Variants in MECOM observed in about 807,000 individuals in gnomAD.
MECOM encodes the protein histone-lysine N-methyltransferase MECOM.
A neutral mutation model predicts 116.3 loss-of-function variants in MECOM; 13 were observed. The ratio of observed to expected loss-of-function variants is 0.11; its 90% confidence interval spans 0.07 to 0.18. MECOM has a LOEUF of 0.18. MECOM is among the 10% of genes least tolerant of loss of function. MECOM has a pLI of 1.00. For missense variants in MECOM, 1,299 were observed against 1,509.0 expected, an observed-to-expected ratio of 0.86 and a Z score of 2.31; for synonymous variants, 528 against 535.2, an observed-to-expected ratio of 0.99 and a Z score of 0.19.
chr3:169,348,525 T>C (rs116198929), intron 2 of MECOM, among the ~76,000 whole-genome samples: 1 of 152,104 alleles, frequency 6.6e-6, no homozygotes, highest in African/African-American at 2.4e-5. Flanking sequence ...TACTCACACC[T>C]TTTCATGGGA....
chr3:169,357,640 A>G (rs1727492661), intron 2 of MECOM, among the ~76,000 whole-genome samples: 1 of 151,832 alleles, frequency 6.6e-6, no homozygotes, highest in Admixed American at 6.6e-5. Context: ...TGCATCCTCA[A>G]AAAAAGACTA....
At chr3:169,400,755 T>G (rs1306432355) in intron 1 of MECOM, among the ~76,000 whole-genome samples, 1 of 152,208 alleles carries the variant, frequency 6.6e-6, no homozygotes, top group Non-Finnish European at 1.5e-5. Context: ...TGTGTTCTCC[T>G]AGTACCAGAA....
chr3:169,159,742 G>C (rs909506769), intron 2 of MECOM, among the ~76,000 whole-genome samples: 1 of 152,142 alleles, frequency 6.6e-6, no homozygotes. Flanking sequence ...GTTTAGGATA[G>C]TGACTAACAA....
At chr3:169,327,077 C>A (rs1250320893) in intron 2 of MECOM, among the ~76,000 whole-genome samples, 1 of 152,144 alleles carries the variant, frequency 6.6e-6, no homozygotes, top group Admixed American at 6.6e-5. Flanking sequence ...TTAAAGTAAG[C>A]CAATTCCAAG....
chr3:169,569,582 G>A (rs1017313186), intron 1 of MECOM, among the ~76,000 whole-genome samples: 8 of 152,176 alleles, frequency 5.3e-5, no homozygotes, highest in Non-Finnish European at 1.2e-4. Context: ...GTAATTGGAA[G>A]TGAAACACTC....
chr3:169,663,146 G>A (rs1379622143), intron 1 of MECOM, among the ~76,000 whole-genome samples, 190 bp downstream of exon 1: 1 of 140,952 alleles, frequency 7.1e-6, no homozygotes. Flanking sequence ...CGCCCAACCC[G>A]GGAGCGAGAG....
intron 1 of MECOM, among the ~76,000 whole-genome samples, chr3:169,587,555 A>G (rs909685515): frequency 6.6e-6 from 1 of 151,942 alleles, no homozygotes; most frequent in Admixed American, 6.6e-5. Context: ...GTTATTTGAC[A>G]CCTTGTAGAA....
At chr3:169,309,139 C>T (rs1246493933) in intron 2 of MECOM, among the ~76,000 whole-genome samples, 1 of 152,046 alleles carries the variant, frequency 6.6e-6, no homozygotes, top group Admixed American at 6.6e-5. Flanking sequence ...TGAAACCGGA[C>T]TCTATAAACA....
At chr3:169,620,841 C>G (rs1770623902) in intron 1 of MECOM, among the ~76,000 whole-genome samples, 1 of 136,016 alleles carries the variant, frequency 7.4e-6, no homozygotes, top group African/African-American at 2.8e-5. Flanking sequence ...TCTTTATTTT[C>G]TTTTCTGTAA....
At chr3:169,128,388 G>A (rs1216654686) in intron 4 of MECOM, among the ~76,000 whole-genome samples, 1 of 152,116 alleles carries the variant, frequency 6.6e-6, no homozygotes, top group African/African-American at 2.4e-5. Flanking sequence ...GTGGATTACT[G>A]ACATTCCTTA....
intron 2 of MECOM, among the ~76,000 whole-genome samples, chr3:169,339,647 T>C (rs1468150554): frequency 6.6e-6 from 1 of 152,104 alleles, no homozygotes; most frequent in African/African-American, 2.4e-5. Context: ...GATTCCCAGC[T>C]GATGTGTGTG....
At chr3:169,259,298 G>A (rs1273805463) in intron 2 of MECOM, among the ~76,000 whole-genome samples, 1 of 152,102 alleles carries the variant, frequency 6.6e-6, no homozygotes, top group South Asian at 2.1e-4. Flanking sequence ...CCTCCTACAT[G>A]TCTGAAGATA....
intron 1 of MECOM, among the ~76,000 whole-genome samples, chr3:169,599,698 G>C (rs926427544): frequency 6.6e-6 from 1 of 152,118 alleles, no homozygotes; most frequent in African/African-American, 2.4e-5. Flanking sequence ...TGTTGACCAA[G>C]TGCTATACTA....
intron 1 of MECOM, among the ~76,000 whole-genome samples, chr3:169,593,422 GA>G (rs1049748187): frequency 6.6e-6 from 1 of 152,118 alleles, no homozygotes; most frequent in African/African-American, 2.4e-5. Flanking sequence ...TTTCCCAATA[GA>G]GGAACCATTA....
At chr3:169,502,108 G>T (rs1754614616) in intron 1 of MECOM, among the ~76,000 whole-genome samples, 1 of 151,988 alleles carries the variant, frequency 6.6e-6, no homozygotes, top group African/African-American at 2.4e-5. Context: ...CGCAGGCCAG[G>T]ATCTACTTCC....
chr3:169,172,529 A>C (rs933004050), intron 2 of MECOM, among the ~76,000 whole-genome samples: 5 of 151,968 alleles, frequency 3.3e-5, no homozygotes, highest in African/African-American at 1.2e-4. Context: ...CACAGCTGTA[A>C]TTTTACCCAT....
At chr3:169,304,332 G>A (rs1717292828) in intron 2 of MECOM, among the ~76,000 whole-genome samples, 1 of 152,182 alleles carries the variant, frequency 6.6e-6, no homozygotes, top group Non-Finnish European at 1.5e-5. Flanking sequence ...TTGTTCCCAT[G>A]AGAATAATTC....
chr3:169,405,061 C>G (rs1736478896), intron 1 of MECOM, among the ~76,000 whole-genome samples: 1 of 152,246 alleles, frequency 6.6e-6, no homozygotes, highest in Admixed American at 6.5e-5. Flanking sequence ...AATGGCCACT[C>G]TGGCTTCTCC....
intron 1 of MECOM, among the ~76,000 whole-genome samples, chr3:169,472,372 C>T (rs79737252): frequency 0.056 from 7,790 of 140,060 alleles, 531 homozygotes; most frequent in Admixed American, 0.21. Flanking sequence ...TATAGTGAGA[C>T]CCCATCTCTA....
Sources: allele counts gnomAD v4.1 joint callset (sites outside exome capture counted in the v4.1 genomes callset), GRCh38; gene constraint gnomAD v4.1.1; transcripts MANE v1.5; gene names NCBI Gene and HGNC (gene_info 2026-07-23, HGNC 2026-07-21).